ATG16L2: variants seen among roughly 807,000 people sequenced by gnomAD.
The protein encoded by ATG16L2 is autophagy related 16 like 2, also known as protein Atg16l2.
ATG16L2 carries 77 observed loss-of-function variants against 84.7 expected under a neutral mutation model. The observed-to-expected ratio is 0.91, with a 90% CI of 0.76 to 1.10. The LOEUF (loss-of-function observed/expected upper bound fraction) is 1.10. Among genes scored for constraint, ATG16L2 ranks in the 50% least tolerant of loss-of-function variants. The pLI is 0.00. For missense variants in ATG16L2, 782 were observed against 817.6 expected, an observed-to-expected ratio of 0.96 and a Z score of 0.53; for synonymous variants, 361 against 342.8, an observed-to-expected ratio of 1.05 and a Z score of -0.59.
Position 72,822,229 on chromosome 11 carries a change from A to G in ATG16L2, c.578A>G (p.Glu193Gly), listed in dbSNP as rs1353552282. 4.7e-6 allele frequency: 7 copies of G among 1,500,642 alleles called. No individual in the cohort carries two copies. The highest frequency in any genetic ancestry group is 2.2e-5 in the Admixed American group (1 of 44,538). 93.0% of individuals were successfully genotyped at this position (1,500,642 alleles called of 1,614,324 possible). A position where few individuals can be genotyped will look rare whatever the true frequency, so the allele number is the denominator to read the frequency against. ...RLQEEARDLLERLVQRKARAA... is the reference protein window; with the variant it reads ...RLQEEARDLLGRLVQRKARAA... ...CAGGAAGAGGCGCGCGACCTGCTGG[A>G]GAGGCTCGTGCAGCGCAAGGCGCGC... is the stretch of plus-strand genomic sequence containing the variant. The change falls in exon 5 of 18, where the codon GAG (glutamate) becomes GGG (glycine). Residue 193 changes from glutamate to glycine, a missense_variant. Transcript: ENST00000321297. The surrounding 1 kb of genome is among the most constrained non-coding windows in gnomAD (Gnocchi z 4.2).
Position 72,824,742 on chromosome 11 carries a change from A to G in ATG16L2, c.896A>G (p.Lys299Arg). 6.2e-7 allele frequency: 1 copy of G among 1,613,780 alleles called. No homozygotes were observed. The highest frequency in any genetic ancestry group is 8.5e-7 in the Non-Finnish European group (1 of 1,179,794). The change falls in exon 9 of 18, where the codon AAG becomes AGG. Residue 299 changes from lysine to arginine, a missense_variant. By Grantham distance (26) the Lys-to-Arg change is conservative. Transcript: ENST00000321297. ...AACCCACCTTACCCCAGTTTTAAGA[A>G]GAGGAGAGGTCACTCAATTGGGGGA... is the stretch of plus-strand genomic sequence containing the variant. ...DVVKGLLDFK[K>R]RRGHSIGGAP...
chr11:72,825,242 G>T, intron 9 of ATG16L2, 60 bp from the exon 10 acceptor site: 1 of 1,353,430 alleles, frequency 7.4e-7, no homozygotes, highest in Admixed American at 1.7e-5. Context: ...GAGGGCCCGT[G>T]AGCACTCACA....
In ATG16L2 at chr11:72,821,312, G is replaced by A. The variant is rs1421294057; in HGVS notation, c.319-356G>A. The stretch of plus-strand genomic sequence containing the variant: ...GGGCATTTGGCAGCCTCTGCGCGAG[G>A]AGTCCTCGCAGTGGTTATGCATGGT... On this transcript the variant is annotated intron_variant, in intron 3 of 17. Coordinates refer to ENST00000321297, the MANE Select transcript of ATG16L2 (RefSeq NM_033388.2). The A allele has an allele frequency of 3.2e-5, 34 of 1,050,822 alleles. 2 individuals are homozygous for A. The South Asian group carries it at 1.0e-3, about 32-fold the overall frequency. 65.1% of individuals were successfully genotyped at this position (1,050,822 alleles called of 1,614,324 possible). A position where few individuals can be genotyped will look rare whatever the true frequency, so the allele number is the denominator to read the frequency against.
intron 1 of ATG16L2, chr11:72,815,977 T>G (rs980735595): frequency 3.3e-4 from 50 of 152,132 alleles, no homozygotes; most frequent in Admixed American, 5.9e-4. Context: ...GTTGGGATTA[T>G]TTATTTATTT....
In ATG16L2 at chr11:72,829,455, G is replaced by A; in HGVS notation, c.*65G>A. Reference sequence around the variant, plus strand: ...AGCCTGAAGCTTCCTTCGGCGCCATGCAGGGGTTGGGGTTGGGACTGGAGC... The same window carrying A: ...AGCCTGAAGCTTCCTTCGGCGCCATACAGGGGTTGGGGTTGGGACTGGAGC... On this transcript the variant is annotated 3_prime_UTR_variant, in exon 18 of 18. Transcript: ENST00000321297. 1 of 1,569,602 alleles carries A rather than the reference G, an allele frequency of 6.4e-7. No homozygotes were observed.
chr11:72,826,939 G>A, intron 13 of ATG16L2, 116 bp downstream of exon 13: 1 of 1,274,402 alleles, frequency 7.8e-7, no homozygotes, highest in Non-Finnish European at 1.1e-6. Context: ...GGCATTTGGG[G>A]GTGAAACCTC....
Position 72,822,556 on chromosome 11 carries a change from A to G in ATG16L2, c.710+13A>G. The G allele has an allele frequency of 6.2e-7, 1 of 1,611,692 alleles. No homozygotes were observed. Among genetic ancestry groups the G allele is most frequent in the African/African-American group, 1.3e-5 (1 of 74,824 alleles). ...TGAGCATCAGCGAGTAAGAGTGGGGATGGGCCGGTCCGACCCTTGCGTTCT... is the reference window on the plus strand; with the variant it reads ...TGAGCATCAGCGAGTAAGAGTGGGGGTGGGCCGGTCCGACCCTTGCGTTCT... On this transcript the variant is annotated intron_variant, in intron 6 of 17. Transcript: ENST00000321297. The surrounding 1 kb of genome is among the most constrained non-coding windows in gnomAD (Gnocchi z 4.2).
At chr11:72,843,272 G>T (rs773351939) in exon 6 of ATG16L2, 25 of 1,613,976 alleles carry the variant, frequency 1.5e-5, no homozygotes, top group Non-Finnish European at 2.1e-5. Context: ...TGTTCGAGGT[G>T]GGAAACTGTA....
At chr11:72,833,255 C>T (rs986540814), downstream of ATG16L2, among the ~76,000 whole-genome samples, 1 of 152,208 alleles carries the variant, frequency 6.6e-6, no homozygotes. Flanking sequence ...CACCATCAGA[C>T]GTGGACCCAT....
chr11:72,838,934 C>T (rs1392450143), intron 5 of ATG16L2: 15 of 1,455,896 alleles, frequency 1.0e-5, no homozygotes, highest in African/African-American at 1.4e-5. Context: ...TCTGAAGCAT[C>T]CCCAAAACCT....
chr11:72,834,005 G>A (rs897974168), downstream of ATG16L2, among the ~76,000 whole-genome samples: 1 of 150,520 alleles, frequency 6.6e-6, no homozygotes, highest in South Asian at 2.1e-4. Context: ...TGTGTTTTTT[G>A]GCCTCTGGGA....
chr11:72,821,227 T>C, intron 3 of ATG16L2: 1 of 992,118 alleles, frequency 1.0e-6, no homozygotes, highest in East Asian at 1.1e-4. Flanking sequence ...CCTCCTGGTG[T>C]GGTGAGGATG....
chr11:72,823,900 T>C (rs1284429879), intron 7 of ATG16L2, 160 bp from the exon 8 acceptor site: 1 of 825,404 alleles, frequency 1.2e-6, no homozygotes, highest in Non-Finnish European at 2.1e-6. Flanking sequence ...GGGACTGATC[T>C]GGGTCACCCT....
chr11:72,824,308 T>G, intron 8 of ATG16L2, 186 bp downstream of exon 8: 2 of 672,408 alleles, frequency 3.0e-6, no homozygotes, highest in South Asian at 3.5e-5. Context: ...TCAGCTGTCT[T>G]CCAGGTTCTG....
intron 3 of ATG16L2, 80 bp from the exon 4 acceptor site, chr11:72,821,588 T>C (rs1464745120): frequency 2.0e-6 from 3 of 1,495,976 alleles, no homozygotes; most frequent in African/African-American, 2.8e-5. Flanking sequence ...AGCAGCCGAC[T>C]CCCTTAGCGC....
intron 11 of ATG16L2, 73 bp from the exon 12 acceptor site, chr11:72,826,445 C>T: frequency 1.9e-6 from 3 of 1,580,536 alleles, no homozygotes; most frequent in Non-Finnish European, 2.6e-6. Flanking sequence ...GAGGCAGCCC[C>T]TAGCCTCATT....
rs1018675954 is a variant in ATG16L2, at chr11:72,824,357, G to C, written c.887+235G>C. 3 of 591,364 alleles carry C rather than the reference G, an allele frequency of 5.1e-6. No homozygotes were observed. In the African/African-American group the frequency reaches 5.6e-5, roughly 11 times the overall value. The allele number at this position is 591,364 out of a possible 1,614,324, so 36.6% of individuals were successfully genotyped here. A position where few individuals can be genotyped will look rare whatever the true frequency, so the allele number is the denominator to read the frequency against. ...CTGTCTTCATCCAAGGTCGTCACAG[G>C]GGACCAAGAGCTCCAGCCTCAGGCA... On this transcript the variant is annotated intron_variant, in intron 8 of 17. Coordinates refer to ENST00000321297, the MANE Select transcript of ATG16L2 (RefSeq NM_033388.2).
intron 5 of ATG16L2, chr11:72,838,967 A>C: frequency 9.0e-7 from 1 of 1,109,058 alleles, no homozygotes; most frequent in Non-Finnish European, 1.3e-6. Context: ...GTCCAAGGAC[A>C]TGGGCACCCT....
At chr11:72,826,377 C>T (rs867632280) in intron 11 of ATG16L2, 134 bp downstream of exon 11, 4 of 1,422,250 alleles carry the variant, frequency 2.8e-6, no homozygotes, top group Middle Eastern at 4.6e-4. Flanking sequence ...CACAGATCCT[C>T]CTCCTTGGGC....
Sources: allele counts gnomAD v4.1 joint callset (sites outside exome capture counted in the v4.1 genomes callset), GRCh38; gene constraint gnomAD v4.1.1; non-coding constraint Gnocchi (gnomAD v3.1); transcripts MANE v1.5; gene names NCBI Gene and HGNC (gene_info 2026-07-23, HGNC 2026-07-21).